Variants in ZFHX3 observed in about 807,000 individuals in gnomAD.
ZFHX3 encodes the protein zinc finger homeobox 3, also known as zinc finger homeobox protein 3.
A neutral mutation model predicts 279.1 loss-of-function variants in ZFHX3; 42 were observed. The observed-to-expected ratio is 0.15, with a 90% CI of 0.12 to 0.19. ZFHX3 has a LOEUF of 0.19. Among genes scored for constraint, ZFHX3 ranks in the 10% least tolerant of loss-of-function variants. ZFHX3 has a pLI of 1.00. For synonymous variants in ZFHX3, 2,293 were observed against 1,957.8 expected, an observed-to-expected ratio of 1.17 and a Z score of -4.52; for missense variants, 4,981 against 4,754.0, an observed-to-expected ratio of 1.05 and a Z score of -1.40.
At chr16:73,469,625 A>T (rs59879343) in intron 2 of ZFHX3, among the ~76,000 whole-genome samples, 6,951 of 151,118 alleles carry the variant, frequency 0.046, 189 homozygotes, top group East Asian at 0.16. Flanking sequence ...ATATATATAT[A>T]TATTTTTTTT....
intron 2 of ZFHX3, among the ~76,000 whole-genome samples, chr16:73,605,408 T>G (rs1428631674): frequency 6.6e-6 from 1 of 152,188 alleles, no homozygotes; most frequent in African/African-American, 2.4e-5. Context: ...ACGCTGGAAA[T>G]CAGATCCTAA....
chr16:73,449,935 A>G (rs2143556616), intron 3 of ZFHX3, among the ~76,000 whole-genome samples: 1 of 152,238 alleles, frequency 6.6e-6, no homozygotes, highest in South Asian at 2.1e-4. Flanking sequence ...TCAAGTCTAT[A>G]TTTTTTGTTA....
intron 5 of ZFHX3, among the ~76,000 whole-genome samples, chr16:73,240,079 T>C (rs1372585372): frequency 6.6e-6 from 1 of 151,988 alleles, no homozygotes; most frequent in East Asian, 1.9e-4. Context: ...TTACTTAACA[T>C]TGAACTCATG....
Position 73,797,040 on chromosome 16 carries a change from A to G in ZFHX3, c.-1608+94611T>C, listed in dbSNP as rs372848721. On this transcript the variant is annotated intron_variant, in intron 1 of 17. Transcript: ENST00000641206. ...AACATGGCGAAACCCTGTCTCTACT[A>G]AAAAAAAAAAAAATTAGCCAGGCAG... is the stretch of plus-strand genomic sequence containing the variant. Among the ~76,000 whole-genome samples the G allele has an allele frequency of 4.2e-3, 612 of 144,120 alleles. 4 individuals carry two copies. The highest frequency in any genetic ancestry group is 0.014 in the African/African-American group (567 of 39,796). 94.5% of individuals were successfully genotyped at this position (144,120 alleles called of 152,430 possible).
chr16:72,818,916 A>G (rs2036697519), intron 5 of ZFHX3, among the ~76,000 whole-genome samples: 1 of 152,226 alleles, frequency 6.6e-6, no homozygotes, highest in Non-Finnish European at 1.5e-5. Context: ...AAGGGTTTCA[A>G]AGAAAATTTG....
chr16:73,066,210 G>C (rs1430698598), intron 8 of ZFHX3, among the ~76,000 whole-genome samples: 1 of 152,260 alleles, frequency 6.6e-6, no homozygotes, highest in Non-Finnish European at 1.5e-5. Context: ...TTCGACGCCA[G>C]TTTCCTCAGG....
chr16:73,028,877 A>G (rs1157802862), intron 1 of ZFHX3, among the ~76,000 whole-genome samples: 1 of 152,230 alleles, frequency 6.6e-6, no homozygotes, highest in East Asian at 1.9e-4. Context: ...GGCAACAACA[A>G]CAGAAGTCTT....
chr16:72,887,770 CA>C lies in ZFHX3; in HGVS notation c.3448+1960del, dbSNP rs575793145. Among the ~76,000 whole-genome samples the C allele has an allele frequency of 8.7e-4, 130 of 150,062 alleles. 1 individual carries two copies. The highest frequency in any genetic ancestry group is 3.0e-3 in the African/African-American group (124 of 40,686). ...GCTTGTGTGGGTGTGTGAGTGTATACAGGGGGTGTGTGTGTGTACAACGTAT... is the reference window on the plus strand; with the variant it reads ...GCTTGTGTGGGTGTGTGAGTGTATACGGGGGTGTGTGTGTGTACAACGTAT... On this transcript the variant is annotated intron_variant, in intron 4 of 9. Transcript: ENST00000268489.
chr16:73,378,281 G>T (rs1597308604), intron 3 of ZFHX3, among the ~76,000 whole-genome samples: 1 of 152,234 alleles, frequency 6.6e-6, no homozygotes, highest in East Asian at 1.9e-4. Flanking sequence ...CAGGAGTAAG[G>T]AAGGGTAACA....
At chr16:73,272,294 A>G (rs938464428) in intron 4 of ZFHX3, among the ~76,000 whole-genome samples, 1 of 152,164 alleles carries the variant, frequency 6.6e-6, no homozygotes, top group Non-Finnish European at 1.5e-5. Context: ...TGAGTATTCT[A>G]TATTTTTCTC....
At chr16:73,230,581 G>C (rs1040888195) in intron 5 of ZFHX3, among the ~76,000 whole-genome samples, 1 of 152,182 alleles carries the variant, frequency 6.6e-6, no homozygotes, top group Non-Finnish European at 1.5e-5. Flanking sequence ...CATCCTTGGT[G>C]ATACACAAAA....
intron 1 of ZFHX3, among the ~76,000 whole-genome samples, chr16:73,834,369 T>C (rs944182517): frequency 6.6e-6 from 1 of 152,198 alleles, no homozygotes; most frequent in Non-Finnish European, 1.5e-5. Context: ...GTAAACTGTC[T>C]GGTAAGTAAA....
At position 73,341,467 on chromosome 16, in the gene ZFHX3, CATA is replaced by C. The variant is rs148969238; in HGVS notation, c.-1290-23134_-1290-23132del. The stretch of plus-strand genomic sequence containing the variant: ...TAAGAAAAAAATGTTCAACTTCATA[CATA>C]ATAAGTGAAATGCCAGTGAAACTAC... On this transcript the variant is annotated intron_variant, in intron 3 of 17. Coordinates refer to the ZFHX3 transcript ENST00000641206. Among the ~76,000 whole-genome samples, 432 of 152,208 alleles carry C rather than the reference CATA, an allele frequency of 2.8e-3. 2 individuals are homozygous for C. Among genetic ancestry groups the C allele is most frequent in the African/African-American group, 9.6e-3 (398 of 41,506 alleles).
At chr16:73,593,672 T>C (rs1463790201) in intron 2 of ZFHX3, among the ~76,000 whole-genome samples, 2 of 152,154 alleles carry the variant, frequency 1.3e-5, no homozygotes, top group South Asian at 4.2e-4. Context: ...CTATGACATA[T>C]ATAAAGACTG....
chr16:72,924,854 T>C (rs1567586634), intron 3 of ZFHX3, among the ~76,000 whole-genome samples: 1 of 152,190 alleles, frequency 6.6e-6, no homozygotes. Context: ...ACTAACCTCC[T>C]GGGTTTTCTT....
intron 1 of ZFHX3, among the ~76,000 whole-genome samples, chr16:73,798,306 G>C (rs1392543609): frequency 6.6e-6 from 1 of 151,938 alleles, no homozygotes; most frequent in Non-Finnish European, 1.5e-5. Flanking sequence ...TTTTAGGGAA[G>C]ATATTCTTGG....
At chr16:73,350,044 CT>C (rs1364595036) in intron 3 of ZFHX3, among the ~76,000 whole-genome samples, 2 of 151,292 alleles carry the variant, frequency 1.3e-5, no homozygotes, top group Non-Finnish European at 2.9e-5. Context: ...AGCCTTTTTC[CT>C]TGTGTAGGGA....
intron 7 of ZFHX3, among the ~76,000 whole-genome samples, chr16:72,800,354 G>A (rs1417930153): frequency 2.6e-5 from 4 of 152,176 alleles, no homozygotes; most frequent in Non-Finnish European, 5.9e-5. Context: ...CACACTTGAA[G>A]AATAATCTTC....
intron 2 of ZFHX3, among the ~76,000 whole-genome samples, chr16:73,596,018 TTTTATTTTA>T: frequency 6.8e-6 from 1 of 146,104 alleles, no homozygotes; most frequent in Admixed American, 6.7e-5. Flanking sequence ...TTTTATTTTA[TTTTATTTTA>T]TTTTATTTTT....
Sources: allele counts gnomAD v4.1 joint callset (sites outside exome capture counted in the v4.1 genomes callset), GRCh38; gene constraint gnomAD v4.1.1; transcripts MANE v1.5; gene names NCBI Gene and HGNC (gene_info 2026-07-23, HGNC 2026-07-21).